LRRIQ1: variants seen among roughly 807,000 people sequenced by gnomAD.
LRRIQ1 encodes leucine rich repeats and IQ motif containing 1.
LRRIQ1 carries 210 observed loss-of-function variants against 211.9 expected under a neutral mutation model. That is an observed-to-expected ratio of 0.99 (90% CI 0.89 to 1.11). The LOEUF (loss-of-function observed/expected upper bound fraction) is 1.11. LRRIQ1 is among the 50% of genes most tolerant of loss of function. The pLI is 0.00. For missense variants in LRRIQ1, 2,136 were observed against 1,939.5 expected (o/e 1.10, Z -1.90); for synonymous variants, 699 against 650.1 (o/e 1.08, Z -1.14).
chr12:85,190,802 CT>C (rs947783328), intron 24 of LRRIQ1, among the ~76,000 whole-genome samples: 1 of 151,806 alleles, frequency 6.6e-6, no homozygotes, highest in African/African-American at 2.4e-5. Flanking sequence ...ATACAGTAGT[CT>C]TTAGTAGATG....
rs55912271 is a variant in LRRIQ1, at chr12:85,239,356, T to TACACACACACACACACAC, written c.5017-5420_5017-5403dup. Reference sequence around the variant, plus strand: ...ATCCCCGGTAATTGAAACTGTTTTATACACACACACACACACACACACACA... The same window carrying TACACACACACACACACAC: ...ATCCCCGGTAATTGAAACTGTTTTATACACACACACACACACACACACACACACACACACACACACACA... On this transcript the variant is annotated intron_variant, in intron 26 of 26. Coordinates refer to ENST00000393217, the MANE Select transcript of LRRIQ1 (RefSeq NM_001079910.2). Among the ~76,000 whole-genome samples the TACACACACACACACACAC allele has an allele frequency of 1.8e-3, 258 of 145,144 alleles. 1 individual carries two copies. The highest frequency in any genetic ancestry group is 4.3e-3 in the African/African-American group (167 of 39,250).
chr12:85,098,252 T>G, intron 11 of LRRIQ1, 103 bp from the exon 12 acceptor site: 1 of 684,816 alleles, frequency 1.5e-6, no homozygotes, highest in Non-Finnish European at 2.4e-6. Context: ...TTAATGATAG[T>G]GAGAAATACA....
At chr12:85,256,797 A>G (rs931719797) in intron 1 of LRRIQ1, among the ~76,000 whole-genome samples, 2 of 150,984 alleles carry the variant, frequency 1.3e-5, no homozygotes, top group African/African-American at 4.8e-5. Context: ...TGTTGAATGA[A>G]TATGTAAATA....
chr12:85,220,710 T>G (rs1894360032), intron 24 of LRRIQ1, among the ~76,000 whole-genome samples: 1 of 151,656 alleles, frequency 6.6e-6, no homozygotes, highest in Admixed American at 6.6e-5. Flanking sequence ...TTGTTACATA[T>G]GTATACATGT....
intron 11 of LRRIQ1, among the ~76,000 whole-genome samples, chr12:85,083,589 G>A (rs1884516626): frequency 6.6e-6 from 1 of 151,942 alleles, no homozygotes; most frequent in African/African-American, 2.4e-5. Flanking sequence ...ACAGGCATGT[G>A]TCACCACGCC....
At chr12:85,071,861 C>T (rs1267864461) in intron 10 of LRRIQ1, among the ~76,000 whole-genome samples, 1 of 151,966 alleles carries the variant, frequency 6.6e-6, no homozygotes, top group Non-Finnish European at 1.5e-5. Flanking sequence ...AAACTTCTCC[C>T]ATGATTCAGT....
Position 85,232,915 on chromosome 12 carries a change from TCTTGA to T in LRRIQ1, c.5016+164_5016+168del, listed in dbSNP as rs781187115. 138 of 556,602 alleles carry T rather than the reference TCTTGA, an allele frequency of 2.5e-4. 1 individual carries two copies. The highest frequency in any genetic ancestry group is 1.5e-3 in the Admixed American group (40 of 26,894). 34.5% of individuals were successfully genotyped at this position (556,602 alleles called of 1,614,324 possible). On this transcript the variant is annotated intron_variant, in intron 26 of 26. Transcript: ENST00000393217. Reference sequence around the variant, plus strand: ...CATGTGTTAAAATAATAACATGTTTTCTTGACTTGTAATACAATTTAAAATGTGAC... The same window carrying T: ...CATGTGTTAAAATAATAACATGTTTTCTTGTAATACAATTTAAAATGTGAC...
chr12:85,108,558 T>A (rs758723716), intron 15 of LRRIQ1, among the ~76,000 whole-genome samples: 2 of 152,172 alleles, frequency 1.3e-5, no homozygotes, highest in Non-Finnish European at 2.9e-5. Context: ...AACAGAAGAT[T>A]ACTGATTTGC....
intron 24 of LRRIQ1, among the ~76,000 whole-genome samples, chr12:85,204,047 A>C (rs549120258): frequency 7.6e-4 from 115 of 152,276 alleles, no homozygotes; most frequent in Non-Finnish European, 1.5e-3. Context: ...CCAAGGTCCC[A>C]ATGCTGTGTG....
intron 11 of LRRIQ1, among the ~76,000 whole-genome samples, chr12:85,080,853 C>T (rs527278979): frequency 1.3e-5 from 2 of 151,366 alleles, no homozygotes; most frequent in Admixed American, 1.3e-4. Flanking sequence ...TTTTTGGTCA[C>T]TTAGTGTTAT....
downstream of LRRIQ1, among the ~76,000 whole-genome samples, chr12:85,265,368 T>C (rs1342045427): frequency 1.3e-5 from 2 of 152,124 alleles, no homozygotes; most frequent in East Asian, 3.9e-4. Context: ...TATATTTTAA[T>C]TTAGGGGAAG....
At chr12:85,248,133 C>T (rs1306659108), downstream of LRRIQ1, among the ~76,000 whole-genome samples, 5 of 151,426 alleles carry the variant, frequency 3.3e-5, no homozygotes, top group Non-Finnish European at 1.5e-5. Flanking sequence ...GTATGCATTG[C>T]AATATATAAT....
At chr12:85,107,753 A>C (rs755545819) in intron 15 of LRRIQ1, among the ~76,000 whole-genome samples, 2 of 152,012 alleles carry the variant, frequency 1.3e-5, no homozygotes, top group African/African-American at 2.4e-5. Context: ...ACTCACTCCG[A>C]ATAGTTTCTA....
intron 24 of LRRIQ1, among the ~76,000 whole-genome samples, chr12:85,172,255 C>G (rs992703170): frequency 6.6e-6 from 1 of 152,124 alleles, no homozygotes; most frequent in East Asian, 1.9e-4. Flanking sequence ...CAGGTACCCC[C>G]CTACCTGTCT....
At chr12:85,076,031 A>C (rs1280206746) in intron 11 of LRRIQ1, among the ~76,000 whole-genome samples, 1 of 152,102 alleles carries the variant, frequency 6.6e-6, no homozygotes, top group African/African-American at 2.4e-5. Flanking sequence ...CTACTTTTTA[A>C]ATAAATATAC....
At chr12:85,272,698 G>A in the LRRIQ1 span, among the ~76,000 whole-genome samples, 1 of 151,732 alleles carries the variant, frequency 6.6e-6, no homozygotes, top group Non-Finnish European at 1.5e-5. Flanking sequence ...ATGAAGTTTT[G>A]TGAACTGAGA....
intron 26 of LRRIQ1, among the ~76,000 whole-genome samples, chr12:85,233,940 T>C (rs181866847): frequency 4.1e-4 from 62 of 152,138 alleles, no homozygotes; most frequent in African/African-American, 1.4e-3. Context: ...AGAAGTGATA[T>C]AATATTTTGG....
chr12:85,109,129 T>C (rs1886989490), intron 15 of LRRIQ1, among the ~76,000 whole-genome samples: 1 of 152,162 alleles, frequency 6.6e-6, no homozygotes, highest in African/African-American at 2.4e-5. Context: ...AAGAATTAAA[T>C]GTCTGGTTAT....
intron 24 of LRRIQ1, among the ~76,000 whole-genome samples, chr12:85,176,105 C>A (rs1891684902): frequency 6.6e-6 from 1 of 152,060 alleles, no homozygotes; most frequent in African/African-American, 2.4e-5. Flanking sequence ...GCAGTATGGC[C>A]ATTTTCACGA....
Sources: allele counts gnomAD v4.1 joint callset (sites outside exome capture counted in the v4.1 genomes callset), GRCh38; gene constraint gnomAD v4.1.1; transcripts MANE v1.5; gene names NCBI Gene and HGNC (gene_info 2026-07-23, HGNC 2026-07-21).